TIMELESS: variants seen among roughly 807,000 people sequenced by gnomAD.
TIMELESS encodes protein timeless homolog.
TIMELESS carries 124 observed loss-of-function variants against 164.3 expected under a neutral mutation model. That is an observed-to-expected ratio of 0.75 (90% CI 0.65 to 0.88). TIMELESS has a LOEUF of 0.88. Ranked by LOEUF, TIMELESS falls within the 40% of genes least tolerant of loss-of-function variation. TIMELESS has a pLI of 0.00. For missense variants in TIMELESS, 1,422 were observed against 1,491.4 expected (o/e 0.95, Z 0.77); for synonymous variants, 564 against 563.4 (o/e 1.00, Z -0.02).
chr12:56,430,062 T>C (rs1417374436), intron 10 of TIMELESS, 43 bp downstream of exon 10: 14 of 1,564,134 alleles, frequency 9.0e-6, no homozygotes, highest in Non-Finnish European at 1.2e-5. Context: ...ATCACCTGTC[T>C]ATTCCATTCC....
Position 56,422,842 on chromosome 12 carries a change from C to G in TIMELESS, c.2438+5G>C, listed in dbSNP as rs1440303154. 1.9e-6 allele frequency: 3 copies of G among 1,587,198 alleles called. No individual in the cohort carries two copies. The highest frequency in any genetic ancestry group is 2.6e-6 in the Non-Finnish European group (3 of 1,163,816). The stretch of plus-strand genomic sequence containing the variant: ...CCACCCACCCTTTGCCAACTTCAAG[C>G]TCACCTGTCATCCAGGGAGCCATAG... On this transcript the variant is annotated splice_donor_5th_base_variant and intron_variant, in intron 19 of 28. Coordinates refer to ENST00000553532, the MANE Select transcript of TIMELESS (RefSeq NM_003920.5).
chr12:56,432,670 C>A, intron 6 of TIMELESS, 146 bp from the exon 7 acceptor site: 1 of 1,152,442 alleles, frequency 8.7e-7, no homozygotes, highest in Non-Finnish European at 1.2e-6. Flanking sequence ...CTTGGCCGGG[C>A]GCGGTGGCTC....
Position 56,432,802 on chromosome 12 carries a change from A to G in TIMELESS, c.531+224T>C, listed in dbSNP as rs188558432. 2.8e-4 allele frequency among the ~76,000 whole-genome samples: 42 copies of G among 147,692 alleles called. No individual in the cohort carries two copies. The East Asian group carries it at 5.5e-3, about 19-fold the overall frequency. ...TACTAAAAATACAAAAAAAAAAATT[A>G]GCCAGGCATGGTGGCGGGCACCTGT... On this transcript the variant is annotated intron_variant, in intron 6 of 28. Coordinates refer to ENST00000553532, the MANE Select transcript of TIMELESS (RefSeq NM_003920.5).
Position 56,417,643 on chromosome 12 carries a change from T to C in TIMELESS, c.*73A>G. Reference sequence around the variant, plus strand: ...GTAAGAGGAGCTTCTGGGTCCTGTATGACCCTTCCAACTCTGACTTGAATG... The same window carrying C: ...GTAAGAGGAGCTTCTGGGTCCTGTACGACCCTTCCAACTCTGACTTGAATG... On this transcript the variant is annotated 3_prime_UTR_variant, in exon 29 of 29. Coordinates refer to ENST00000553532, the MANE Select transcript of TIMELESS (RefSeq NM_003920.5). The C allele has an allele frequency of 2.7e-6, 4 of 1,462,138 alleles. No homozygotes were observed. Among genetic ancestry groups the C allele is most frequent in the Non-Finnish European group, 3.8e-6 (4 of 1,042,710 alleles). The allele number at this position is 1,462,138 out of a possible 1,614,324, so 90.6% of individuals were successfully genotyped here. A position where few individuals can be genotyped will look rare whatever the true frequency, so the allele number is the denominator to read the frequency against.
In TIMELESS at chr12:56,420,981, G is replaced by T; in HGVS notation, c.3022C>A (p.Gln1008Lys). Residue 1008 changes from glutamine to lysine, a missense_variant, in exon 24 of 29, where the codon CAA becomes AAA. Transcript: ENST00000553532. ...SLVLSNENLGQSLHQEGFSIP... is the reference protein window; with the variant it reads ...SLVLSNENLGKSLHQEGFSIP... The stretch of plus-strand genomic sequence containing the variant: ...TCCTCACCTTCCTGATGCAGGCTTT[G>T]ACCAAGGTTTTCATTTGAAAGGACT... 6.2e-7 allele frequency: 1 copy of T among 1,614,156 alleles called. No homozygotes were observed. The highest frequency in any genetic ancestry group is 1.1e-5 in the South Asian group (1 of 91,066).
chr12:56,441,236 G>A (rs1868270324), intron 1 of TIMELESS, among the ~76,000 whole-genome samples: 1 of 152,186 alleles, frequency 6.6e-6, no homozygotes, highest in South Asian at 2.1e-4. Context: ...CTACTGATCT[G>A]CAACAGCTTG....
rs2291739 is a variant in TIMELESS, at chr12:56,420,869, G to C, written c.3053C>G (p.Pro1018Arg). Residue 1018 changes from proline to arginine, a missense_variant, in exon 25 of 29, where the codon CCG becomes CGG. By Grantham distance (103) the Pro-to-Arg change is moderately radical. Transcript: ENST00000553532. ...QSLHQEGFSI[P>R]LLWLQNCLIR... is the part of the protein sequence containing the mutation. The stretch of plus-strand genomic sequence containing the variant: ...CAGGCAGTTCTGGAGCCATAGGAGC[G>C]GGATAGAAAAGCCTAAGGAAATGAG... The C allele has an allele frequency of 6.2e-7, 1 of 1,613,628 alleles. No homozygotes were observed. The highest frequency in any genetic ancestry group is 1.3e-5 in the African/African-American group (1 of 74,816).
intron 13 of TIMELESS, among the ~76,000 whole-genome samples, chr12:56,426,970 T>C (rs531494782): frequency 6.6e-6 from 1 of 152,264 alleles, no homozygotes; most frequent in South Asian, 2.1e-4. Flanking sequence ...AATAATTTTA[T>C]TTTTCAGAGA....
In TIMELESS at chr12:56,430,229, C is replaced by T. The variant is rs780468434; in HGVS notation, c.962G>A (p.Arg321His). ...GGACAGCTCTCGGGCGGCCTGGCGA[C>T]GTTTAGGCACCTTTTTCGGCTGCTT... The part of the protein sequence containing the change: ...LGKQPKKVPK[R>H]RQAARELSIQ... Residue 321 changes from arginine (R) to histidine (H), a missense_variant, in exon 10 of 29, where the codon CGT becomes CAT. Physicochemically the swap from Arg to His is conservative, Grantham distance 29. Transcript: ENST00000553532. 1.7e-5 allele frequency: 28 copies of T among 1,613,972 alleles called. No individual in the cohort carries two copies. In the African/African-American group the frequency reaches 2.5e-4, roughly 15 times the overall value.
intron 1 of TIMELESS, among the ~76,000 whole-genome samples, chr12:56,449,088 C>A (rs530936705): frequency 1.4e-4 from 22 of 152,268 alleles, no homozygotes; most frequent in African/African-American, 4.8e-4. Context: ...CTGTGCGGAG[C>A]AGCGTAGGGC....
Position 56,438,635 on chromosome 12 carries a change from G to A in TIMELESS, c.-61-4404C>T, listed in dbSNP as rs116241742. The stretch of plus-strand genomic sequence containing the variant: ...AAAAATTTAAAAAATGAAATTATCC[G>A]AGTGTGGTGGTGTGTGCTTGTGGTC... On this transcript the variant is annotated intron_variant, in intron 1 of 28. Coordinates refer to ENST00000553532, the MANE Select transcript of TIMELESS (RefSeq NM_003920.5). 3.2e-3 allele frequency among the ~76,000 whole-genome samples: 492 copies of A among 151,858 alleles called. 4 individuals carry two copies. The highest frequency in any genetic ancestry group is 0.011 in the African/African-American group (473 of 41,446).
chr12:56,436,893 G>C (rs192069526), intron 1 of TIMELESS, among the ~76,000 whole-genome samples: 236 of 152,048 alleles, frequency 1.6e-3, no homozygotes, highest in African/African-American at 5.6e-3. Flanking sequence ...GCATTCTCCA[G>C]TGCCTAGAAT....
At chr12:56,429,945 A>G (rs1881816320) in intron 10 of TIMELESS, among the ~76,000 whole-genome samples, 160 bp downstream of exon 10, 1 of 151,650 alleles carries the variant, frequency 6.6e-6, no homozygotes. Context: ...CATTTTCACT[A>G]TCTCTCAGGG....
At chr12:56,434,363 G>A in intron 1 of TIMELESS, 132 bp from the exon 2 acceptor site, 1 of 584,334 alleles carries the variant, frequency 1.7e-6, no homozygotes, top group Non-Finnish European at 3.0e-6. Flanking sequence ...ACAACCAAAA[G>A]TTCTGCTCTC....
At chr12:56,441,985 G>A (rs1389170967) in intron 1 of TIMELESS, among the ~76,000 whole-genome samples, 2 of 149,280 alleles carry the variant, frequency 1.3e-5, no homozygotes, top group Non-Finnish European at 3.0e-5. Flanking sequence ...TCGGGAGGCT[G>A]AGGCAGGAGA....
At chr12:56,446,086 C>G (rs56076204) in intron 1 of TIMELESS, among the ~76,000 whole-genome samples, 11,166 of 151,998 alleles carry the variant, frequency 0.073, 1,333 homozygotes, top group African/African-American at 0.25. Context: ...TGTATTTTTT[C>G]TAGAGACAAG....
chr12:56,447,433 CAG>C (rs936381945), intron 1 of TIMELESS, among the ~76,000 whole-genome samples: 1 of 152,060 alleles, frequency 6.6e-6, no homozygotes, highest in Non-Finnish European at 1.5e-5. Context: ...TGAACTGAAA[CAG>C]AGAAGTCTGG....
chr12:56,424,784 G>C lies in TIMELESS; in HGVS notation c.1846C>G (p.Leu616Val). 6.2e-7 allele frequency: 1 copy of C among 1,614,136 alleles called. No individual in the cohort carries two copies. Among genetic ancestry groups the C allele is most frequent in the Non-Finnish European group, 8.5e-7 (1 of 1,180,028 alleles). ...TACCGAGCAGACCTCAGGAGAGTCA[G>C]GGCCTGTGGGGCCTGGCCAGCCAGG... ...CLLAGQAPQA[L>V]TLLRSAREVW... Residue 616 changes from leucine (L) to valine (V), a missense_variant, in exon 15 of 29, where the codon CTG (leucine) becomes GTG (valine). Transcript: ENST00000553532.
intron 13 of TIMELESS, 33 bp from the exon 14 acceptor site, chr12:56,425,185 A>T: frequency 6.4e-7 from 1 of 1,562,530 alleles, no homozygotes; most frequent in Non-Finnish European, 8.6e-7. Flanking sequence ...GGATGTCAAG[A>T]GAGCTAAAGA....
Sources: gnomAD v4.1 joint callset for allele counts (sites outside exome capture counted in the v4.1 genomes callset) on GRCh38, gnomAD v4.1.1 for gene constraint, MANE v1.5 for transcripts, NCBI Gene and HGNC (gene_info 2026-07-23, HGNC 2026-07-21) for gene names.